SRGAP2: variants seen among roughly 807,000 people sequenced by gnomAD.
The protein encoded by SRGAP2 is SLIT-ROBO Rho GTPase-activating protein 2.
SRGAP2 carries 15 observed loss-of-function variants against 57.2 expected under a neutral mutation model. The observed-to-expected ratio is 0.26, with a 90% CI of 0.18 to 0.40. SRGAP2 has a LOEUF of 0.40. Ranked by LOEUF, SRGAP2 falls within the 10% of genes least tolerant of loss-of-function variation. The pLI is 1.00. For missense variants in SRGAP2, 520 were observed against 669.6 expected (o/e 0.78, Z 2.47); for synonymous variants, 249 against 248.0 (o/e 1.00, Z -0.04).
At chr1:206,275,847 C>T (rs1215428009) in intron 2 of SRGAP2, among the ~76,000 whole-genome samples, 312 of 152,176 alleles carry the variant, frequency 2.1e-3, no homozygotes, top group Non-Finnish European at 3.6e-3. Flanking sequence ...GATCTCTTGA[C>T]CTCGTGATCC....
At chr1:206,455,187 C>T in intron 21 of SRGAP2, 163 bp downstream of exon 21, 1 of 681,436 alleles carries the variant, frequency 1.5e-6, no homozygotes, top group South Asian at 1.6e-5. Context: ...GCGGACAGGG[C>T]TGAGGATGCT....
At chr1:206,418,888 CTGTGTGTGTGTGTGTGTG>C (rs1159940831) in intron 11 of SRGAP2, among the ~76,000 whole-genome samples, 37 of 136,644 alleles carry the variant, frequency 2.7e-4, no homozygotes, top group African/African-American at 5.3e-4. Flanking sequence ...CCAACTCTCT[CTGTGTGTGTGTGTGTGTG>C]TGTGTGTGTG....
chr1:206,327,958 T>A (rs1469220738), intron 3 of SRGAP2, among the ~76,000 whole-genome samples: 3 of 70,056 alleles, frequency 4.3e-5, no homozygotes, highest in East Asian at 4.9e-4. Flanking sequence ...CCCTCCCCCC[T>A]CCCCCCACCC....
In SRGAP2 at chr1:206,442,790, A is replaced by G. The variant is rs370725558; in HGVS notation, c.1874+2709A>G. On this transcript the variant is annotated intron_variant, in intron 17 of 22. Transcript: ENST00000573034. Reference sequence around the variant, plus strand: ...AAGCAGACCACCTCCACAGGAAGACAGCAGCTGACAGGTGTGCACTTCCGG... The same window carrying G: ...AAGCAGACCACCTCCACAGGAAGACGGCAGCTGACAGGTGTGCACTTCCGG... Among the ~76,000 whole-genome samples, 4 of 152,352 alleles carry G rather than the reference A, an allele frequency of 2.6e-5. No homozygotes were observed. In the East Asian group the frequency reaches 7.7e-4, roughly 29 times the overall value.
At chr1:206,261,689 G>A (rs1669563752) in intron 2 of SRGAP2, among the ~76,000 whole-genome samples, 1 of 152,140 alleles carries the variant, frequency 6.6e-6, no homozygotes, top group African/African-American at 2.4e-5. Context: ...TGCTTGCTTT[G>A]TATGTCCCTC....
At chr1:206,355,360 G>A (rs1676353685) in intron 4 of SRGAP2, among the ~76,000 whole-genome samples, 1 of 152,014 alleles carries the variant, frequency 6.6e-6, no homozygotes, top group Admixed American at 6.6e-5. Flanking sequence ...AAGTGACTTA[G>A]AATGCATAAT....
chr1:206,386,765 C>G (rs1479703962), intron 5 of SRGAP2, among the ~76,000 whole-genome samples: 1 of 143,822 alleles, frequency 7.0e-6, no homozygotes, highest in Non-Finnish European at 1.5e-5. Context: ...TGCCACTGCA[C>G]TCCAGCCTGG....
chr1:206,263,724 A>G (rs1220466747), intron 2 of SRGAP2, among the ~76,000 whole-genome samples: 1 of 152,256 alleles, frequency 6.6e-6, no homozygotes, highest in Non-Finnish European at 1.5e-5. Context: ...ATAACAGTGA[A>G]CAACACAGAA....
At chr1:206,391,615 G>GCA (rs201726708) in intron 5 of SRGAP2, among the ~76,000 whole-genome samples, 40,846 of 110,974 alleles carry the variant, frequency 0.37, 7,328 homozygotes, top group East Asian at 0.58. Context: ...ACACACACAT[G>GCA]CACACACACA....
chr1:206,454,119 C>T lies in SRGAP2; in HGVS notation c.2360+739C>T. 1.4e-6 allele frequency: 1 copy of T among 702,114 alleles called. No homozygotes were observed. The highest frequency in any genetic ancestry group is 2.7e-5 in the East Asian group (1 of 37,242). 43.5% of individuals were successfully genotyped at this position (702,114 alleles called of 1,614,324 possible). A position where few individuals can be genotyped will look rare whatever the true frequency, so the allele number is the denominator to read the frequency against. On this transcript the variant is annotated intron_variant, in intron 20 of 22. Coordinates refer to ENST00000573034, the MANE Select transcript of SRGAP2 (RefSeq NM_015326.5). This position sits in a 1 kb window ranked among gnomAD's most constrained non-coding sequence, Gnocchi z 4.3. ...TACGATGCTGTCAGTGTTTTTAGTC[C>T]TTCCCTTAATATTATTTTTTAAAGG...
rs187771815 is a variant in SRGAP2, at chr1:206,423,376, C to A, written c.1494+2102C>A. ...ATCTTTCTCTTCTTCCCTAAGCATT[C>A]TTTTGTTCTATAATGCTGTCCTTTT... On this transcript the variant is annotated intron_variant, in intron 13 of 22. Transcript: ENST00000573034. Among the ~76,000 whole-genome samples, 2 of 152,308 alleles carry A rather than the reference C, an allele frequency of 1.3e-5. 1 individual carries two copies. The highest frequency in any genetic ancestry group is 1.3e-4 in the Admixed American group (2 of 15,298).
intron 3 of SRGAP2, among the ~76,000 whole-genome samples, chr1:206,304,141 A>C (rs1199123962): frequency 1.5e-4 from 22 of 151,560 alleles, no homozygotes; most frequent in African/African-American, 5.1e-4. Flanking sequence ...CTTGGTTCCC[A>C]GTGCCATTGC....
chr1:206,453,530 C>A (rs574166907), intron 20 of SRGAP2, 150 bp downstream of exon 20: 57 of 388,322 alleles, frequency 1.5e-4, no homozygotes, highest in African/African-American at 1.2e-3. Context: ...TGAAGAGCAC[C>A]CCCCCCACCC....
At chr1:206,447,946 A>T (rs1450054055) in intron 18 of SRGAP2, among the ~76,000 whole-genome samples, 4 of 152,334 alleles carry the variant, frequency 2.6e-5, no homozygotes, top group African/African-American at 9.6e-5. Context: ...AACATTTATT[A>T]GCAGCCTCTG....
intron 11 of SRGAP2, among the ~76,000 whole-genome samples, chr1:206,418,820 G>A (rs1214215439): frequency 6.6e-6 from 1 of 151,570 alleles, no homozygotes; most frequent in Non-Finnish European, 1.5e-5. Context: ...TCTAAAGCTA[G>A]AATATCCATA....
At chr1:206,422,119 G>C (rs1553364628) in intron 13 of SRGAP2, among the ~76,000 whole-genome samples, 2 of 152,158 alleles carry the variant, frequency 1.3e-5, no homozygotes, top group African/African-American at 2.4e-5. Flanking sequence ...GCTAATCCAG[G>C]CTTTAAAAAA....
chr1:206,248,223 C>G (rs1453296788), intron 2 of SRGAP2, among the ~76,000 whole-genome samples: 1 of 151,714 alleles, frequency 6.6e-6, no homozygotes, highest in Non-Finnish European at 1.5e-5. Context: ...TTCAGTTACC[C>G]TCATGATTTA....
intron 14 of SRGAP2, among the ~76,000 whole-genome samples, chr1:206,436,646 A>T (rs1036477910): frequency 5.3e-5 from 8 of 152,158 alleles, no homozygotes; most frequent in Admixed American, 2.0e-4. Context: ...TAGATGATTT[A>T]AAAAAGTACC....
At chr1:206,377,449 T>C (rs1175896757) in intron 4 of SRGAP2, among the ~76,000 whole-genome samples, 1 of 150,536 alleles carries the variant, frequency 6.6e-6, no homozygotes, top group Non-Finnish European at 1.5e-5. Context: ...AAAAAGAATT[T>C]ACTATGTAAT....
Sources: allele counts gnomAD v4.1 joint callset (sites outside exome capture counted in the v4.1 genomes callset), GRCh38; gene constraint gnomAD v4.1.1; non-coding constraint Gnocchi (gnomAD v3.1); transcripts MANE v1.5; gene names NCBI Gene and HGNC (gene_info 2026-07-23, HGNC 2026-07-21).